Variants in BEND7 observed in about 807,000 individuals in gnomAD.
BEND7 encodes BEN domain-containing protein 7.
Under a neutral mutation model 50.9 loss-of-function variants are expected in BEND7, and 28 were observed. The ratio of observed to expected loss-of-function variants is 0.55; its 90% CI spans 0.41 to 0.75. The LOEUF (loss-of-function observed/expected upper bound fraction) is 0.75, where lower values mean the gene tolerates loss of function less well. BEND7 is among the 30% of genes least tolerant of loss of function. BEND7 has a pLI of 0.00. For synonymous variants in BEND7, 170 were observed against 183.9 expected (o/e 0.92, Z 0.61); for missense variants, 477 against 491.3 (o/e 0.97, Z 0.28).
At chr10:13,475,450 T>C (rs2075352567) in intron 6 of BEND7, among the ~76,000 whole-genome samples, 1 of 152,216 alleles carries the variant, frequency 6.6e-6, no homozygotes, top group South Asian at 2.1e-4. Flanking sequence ...TCCCAAACTC[T>C]TTCCTTGTGG....
rs1328710935 is a variant in BEND7, at chr10:13,441,676, G to T, written c.*67C>A. ...TCCCTTGGGTAGTAGCTCCTTGTGG[G>T]AGGCAGAGGACGGATTTTAAAACCC... On this transcript the variant is annotated 3_prime_UTR_variant, in exon 9 of 9. Coordinates refer to ENST00000466271, the MANE Select transcript of BEND7 (RefSeq NM_001369863.1). The T allele has an allele frequency of 6.2e-7, 1 of 1,610,020 alleles. No homozygotes were observed. The highest frequency in any genetic ancestry group is 8.5e-7 in the Non-Finnish European group (1 of 1,178,744).
chr10:13,513,055 C>G (rs950194718), intron 2 of BEND7, among the ~76,000 whole-genome samples: 3 of 152,236 alleles, frequency 2.0e-5, no homozygotes, highest in African/African-American at 4.8e-5. Flanking sequence ...CAACTCTTAA[C>G]AACAGTGTGA....
At chr10:13,480,822 A>G (rs972279547) in intron 6 of BEND7, 77 bp downstream of exon 6, 2 of 1,586,574 alleles carry the variant, frequency 1.3e-6, no homozygotes, top group Non-Finnish European at 1.7e-6. Flanking sequence ...TCAGTTTACT[A>G]CAATTTCAGC....
chr10:13,497,379 G>T (rs2077098070), intron 3 of BEND7, among the ~76,000 whole-genome samples: 1 of 152,190 alleles, frequency 6.6e-6, no homozygotes, highest in Non-Finnish European at 1.5e-5. Flanking sequence ...CAAAAACAAA[G>T]AACTGTGCAC....
At chr10:13,515,185 A>T (rs1366085963) in intron 2 of BEND7, among the ~76,000 whole-genome samples, 2 of 152,232 alleles carry the variant, frequency 1.3e-5, no homozygotes, top group African/African-American at 4.8e-5. Context: ...ATTACATTTC[A>T]GCTCAAGTTT....
chr10:13,440,730 C>G (rs904045357), downstream of BEND7, among the ~76,000 whole-genome samples: 4 of 152,236 alleles, frequency 2.6e-5, no homozygotes, highest in African/African-American at 9.6e-5. Flanking sequence ...TTGATTTGTC[C>G]GTCTGATGTG....
rs5783327 is a variant in BEND7, at chr10:13,496,928, C to CAAAA, written c.449-44_449-41dup. 6,128 of 1,128,464 alleles carry CAAAA rather than the reference C, an allele frequency of 5.4e-3. 10 individuals carry two copies. Among genetic ancestry groups the CAAAA allele is most frequent in the East Asian group, 0.025 (594 of 23,684 alleles). 69.9% of individuals were successfully genotyped at this position (1,128,464 alleles called of 1,614,324 possible). ...AAAGAATGACATACTCCAAACAAACCAAAAAAAAAAAAAAAAATCATAAAG... is the reference window on the plus strand; with the variant it reads ...AAAGAATGACATACTCCAAACAAACCAAAAAAAAAAAAAAAAAAAAATCATAAAG... On this transcript the variant is annotated intron_variant, in intron 3 of 8. Transcript: ENST00000466271.
intron 5 of BEND7, among the ~76,000 whole-genome samples, chr10:13,486,322 C>T (rs1235573242): frequency 6.6e-6 from 1 of 152,232 alleles, no homozygotes; most frequent in African/African-American, 2.4e-5. Flanking sequence ...AGCCAACATG[C>T]TCAGCCTGTC....
At chr10:13,518,005 A>G (rs910021836) in intron 2 of BEND7, among the ~76,000 whole-genome samples, 8 of 152,254 alleles carry the variant, frequency 5.3e-5, no homozygotes, top group Non-Finnish European at 8.8e-5. Flanking sequence ...ACACTGGTTC[A>G]AAATCCTTAT....
intron 5 of BEND7, among the ~76,000 whole-genome samples, chr10:13,489,546 GAATACT>G (rs759095914): frequency 3.4e-4 from 52 of 152,170 alleles, no homozygotes; most frequent in Non-Finnish European, 6.3e-4. Flanking sequence ...GATGGCGCAT[GAATACT>G]ATTACTATTA....
intron 6 of BEND7, among the ~76,000 whole-genome samples, chr10:13,463,377 T>C (rs1269396198): frequency 6.6e-6 from 1 of 151,992 alleles, no homozygotes; most frequent in Non-Finnish European, 1.5e-5. Flanking sequence ...ACCTATAAGA[T>C]CTTAAGAATT....
chr10:13,528,500 A>AT lies in BEND7; in HGVS notation c.33dup (p.Ser12IlefsTer17). The AT allele has an allele frequency of 9.6e-7, 1 of 1,040,482 alleles. No homozygotes were observed. Among genetic ancestry groups the AT allele is most frequent in the Non-Finnish European group, 1.2e-6 (1 of 864,548 alleles). 64.5% of individuals were successfully genotyped at this position (1,040,482 alleles called of 1,614,324 possible). A position where few individuals can be genotyped will look rare whatever the true frequency, so the allele number is the denominator to read the frequency against. On this transcript the variant is annotated frameshift_variant, in exon 1 of 9. Coordinates refer to ENST00000466271, the MANE Select transcript of BEND7 (RefSeq NM_001369863.1). LOFTEE classifies it high-confidence loss of function. ...CGGCTCACCAGTTTGAAGCTCTGGG[A>AT]TTTCCTGCTTCTTTTCCTCTCGGAG...
intron 2 of BEND7, among the ~76,000 whole-genome samples, chr10:13,512,429 T>C (rs1014326167): frequency 6.6e-6 from 1 of 152,150 alleles, no homozygotes; most frequent in Non-Finnish European, 1.5e-5. Flanking sequence ...CTAGGAAAAA[T>C]AGAACAAGAC....
intron 2 of BEND7, among the ~76,000 whole-genome samples, chr10:13,524,762 TG>T (rs1472854439): frequency 6.6e-6 from 1 of 152,138 alleles, no homozygotes; most frequent in Non-Finnish European, 1.5e-5. Flanking sequence ...ATTAACCTTT[TG>T]GCTCCTAGCT....
intron 3 of BEND7, among the ~76,000 whole-genome samples, chr10:13,498,136 T>A (rs1303266363): frequency 1.3e-5 from 2 of 149,166 alleles, no homozygotes; most frequent in African/African-American, 4.9e-5. Flanking sequence ...AGTGCACTGG[T>A]ATGATCTTGG....
At chr10:13,480,021 A>G (rs1042623999) in intron 6 of BEND7, among the ~76,000 whole-genome samples, 1 of 152,222 alleles carries the variant, frequency 6.6e-6, no homozygotes, top group Non-Finnish European at 1.5e-5. Context: ...GAACTGAGCT[A>G]GGAAGCACAG....
chr10:13,515,258 T>C (rs2078582965), intron 2 of BEND7, among the ~76,000 whole-genome samples: 1 of 152,246 alleles, frequency 6.6e-6, no homozygotes, highest in Non-Finnish European at 1.5e-5. Flanking sequence ...CAGAATACTC[T>C]ATGTAGCATT....
At chr10:13,439,359 A>G, downstream of BEND7, 1 of 1,614,176 alleles carries the variant, frequency 6.2e-7, no homozygotes, top group Middle Eastern at 1.6e-4. Context: ...AAGGTTGTTC[A>G]GGAGCACGAG....
intron 5 of BEND7, among the ~76,000 whole-genome samples, chr10:13,491,332 A>G (rs2076644817): frequency 2.0e-5 from 3 of 150,672 alleles, no homozygotes; most frequent in Admixed American, 2.0e-4. Flanking sequence ...AAAAAAAAAA[A>G]TGCTTAGAAA....
Sources: gnomAD v4.1 joint callset for allele counts (sites outside exome capture counted in the v4.1 genomes callset) on GRCh38, gnomAD v4.1.1 for gene constraint, MANE v1.5 for transcripts, NCBI Gene and HGNC (gene_info 2026-07-23, HGNC 2026-07-21) for gene names.